The following SHANK2 variants were observed in gnomAD, a reference collection of about 807,000 sequenced individuals.
SHANK2 encodes the protein SH3 and multiple ankyrin repeat domains protein 2.
SHANK2 carries 43 observed loss-of-function variants against 133.7 expected under a neutral mutation model. The observed-to-expected ratio is 0.32, with a 90% confidence interval of 0.25 to 0.41. The LOEUF (loss-of-function observed/expected upper bound fraction) is 0.41, where lower values mean the gene tolerates loss of function less well. Among genes scored for constraint, SHANK2 ranks in the 10% least tolerant of loss-of-function variants. The pLI, the probability that SHANK2 is intolerant of heterozygous loss-of-function variation, is 1.00. For missense variants in SHANK2, 1,994 were observed against 2,235.8 expected, an observed-to-expected ratio of 0.89 and a Z score of 2.18; for synonymous variants, 1,017 against 952.8, an observed-to-expected ratio of 1.07 and a Z score of -1.24.
intron 21 of SHANK2, among the ~76,000 whole-genome samples, chr11:70,499,940 T>TG (rs1475497580): frequency 1.3e-5 from 2 of 152,178 alleles, no homozygotes; most frequent in Non-Finnish European, 2.9e-5. Context: ...TTTTAATTGT[T>TG]GGGGGAGCTG....
chr11:71,099,152 A>G (rs1262343159), intron 6 of SHANK2, among the ~76,000 whole-genome samples: 2 of 152,128 alleles, frequency 1.3e-5, no homozygotes, highest in African/African-American at 4.8e-5. Flanking sequence ...GGTCATCACC[A>G]ACAGGGAGAG....
chr11:70,683,440 C>T (rs537244615), intron 15 of SHANK2, among the ~76,000 whole-genome samples: 68 of 152,314 alleles, frequency 4.5e-4, no homozygotes, highest in Admixed American at 1.2e-3. Context: ...CGCCTTCTAC[C>T]GATGGTGCAT....
intron 14 of SHANK2, among the ~76,000 whole-genome samples, chr11:70,700,416 C>A (rs1945494296): frequency 6.6e-6 from 1 of 152,220 alleles, no homozygotes; most frequent in South Asian, 2.1e-4. Context: ...AATGCCACTC[C>A]TCAAAGCCTT....
At chr11:70,743,575 T>C (rs890798576) in intron 14 of SHANK2, among the ~76,000 whole-genome samples, 5 of 152,164 alleles carry the variant, frequency 3.3e-5, no homozygotes, top group Non-Finnish European at 7.4e-5. Context: ...ACTTTATTCA[T>C]CAACATTTAC....
At chr11:70,951,924 A>G (rs1261604105) in intron 10 of SHANK2, among the ~76,000 whole-genome samples, 1 of 152,232 alleles carries the variant, frequency 6.6e-6, no homozygotes, top group Non-Finnish European at 1.5e-5. Flanking sequence ...TTAAGAGGAC[A>G]TCTTTCAAGA....
chr11:70,686,173 T>C (rs1028553794), intron 15 of SHANK2, among the ~76,000 whole-genome samples: 1 of 147,988 alleles, frequency 6.8e-6, no homozygotes, highest in East Asian at 2.0e-4. Flanking sequence ...CTTCCTTCCA[T>C]CCATCCATCT....
At chr11:70,897,229 G>A (rs1222552025) in intron 10 of SHANK2, among the ~76,000 whole-genome samples, 12 of 152,200 alleles carry the variant, frequency 7.9e-5, no homozygotes, top group African/African-American at 2.2e-4. Flanking sequence ...GACCCATAAG[G>A]AAGGCCAGGA....
chr11:70,586,660 G>A (rs1419771060), intron 17 of SHANK2, among the ~76,000 whole-genome samples: 1 of 152,234 alleles, frequency 6.6e-6, no homozygotes, highest in African/African-American at 2.4e-5. Context: ...CTGGCAATGA[G>A]AAATTTAGCA....
At chr11:70,482,524 G>A (rs782035253) in intron 25 of SHANK2, among the ~76,000 whole-genome samples, 24 of 152,224 alleles carry the variant, frequency 1.6e-4, no homozygotes, top group Non-Finnish European at 2.5e-4. Context: ...CTAGTTCCGC[G>A]TCTTCCTGTG....
Position 70,486,262 on chromosome 11 carries a change from G to A in SHANK2, c.4031C>T (p.Ser1344Leu). ...AACACCTTCTGGCACCTCGGACGGC[G>A]AGCTGTCTGGCTTCATCTCCACCTC... is the stretch of plus-strand genomic sequence containing the variant. ...KAEVEMKPDS[S>L]PSEVPEGVSE... Residue 1344 changes from serine to leucine, a missense_variant, in exon 25 of 26, where the codon TCG becomes TTG. Coordinates refer to ENST00000601538, the MANE Select transcript of SHANK2 (RefSeq NM_012309.5). The surrounding 1 kb of genome is among the most constrained non-coding windows in gnomAD (Gnocchi z 8.0). The A allele has an allele frequency of 1.2e-6, 2 of 1,613,954 alleles. No individual in the cohort carries two copies. The highest frequency in any genetic ancestry group is 1.7e-6 in the Non-Finnish European group (2 of 1,180,022).
At chr11:70,953,523 A>G (rs1363545683) in intron 10 of SHANK2, among the ~76,000 whole-genome samples, 2 of 151,586 alleles carry the variant, frequency 1.3e-5, no homozygotes, top group Admixed American at 1.3e-4. Context: ...CCAGAGTCCA[A>G]AGGCCAAACA....
chr11:70,833,097 C>T (rs921264440), intron 11 of SHANK2, among the ~76,000 whole-genome samples: 5 of 152,244 alleles, frequency 3.3e-5, no homozygotes, highest in African/African-American at 7.2e-5. Flanking sequence ...GCTGTGGTTT[C>T]GAGTTCGAGC....
At chr11:71,152,271 C>G (rs1456004551) in intron 2 of SHANK2, among the ~76,000 whole-genome samples, 5 of 152,132 alleles carry the variant, frequency 3.3e-5, no homozygotes, top group African/African-American at 9.7e-5. Context: ...TGCCACCATG[C>G]CTTGCGAATT....
At chr11:70,523,700 G>C (rs183711331) in intron 17 of SHANK2, among the ~76,000 whole-genome samples, 7 of 152,304 alleles carry the variant, frequency 4.6e-5, no homozygotes, top group African/African-American at 1.7e-4. Flanking sequence ...GTCAGGAGGC[G>C]CTCGCTGCTG....
At chr11:71,065,931 GT>G (rs1420615765) in intron 9 of SHANK2, among the ~76,000 whole-genome samples, 23 of 62,502 alleles carry the variant, frequency 3.7e-4, no homozygotes, top group African/African-American at 4.9e-4. Flanking sequence ...GGGGAAGTTG[GT>G]GGGGGCGGGG....
intron 12 of SHANK2, among the ~76,000 whole-genome samples, chr11:70,809,009 C>G (rs1001273550): frequency 6.6e-6 from 1 of 152,198 alleles, no homozygotes; most frequent in Non-Finnish European, 1.5e-5. Context: ...GACTTCTACA[C>G]CCGACAGTAA....
At chr11:70,877,200 T>A (rs1555071508) in intron 11 of SHANK2, among the ~76,000 whole-genome samples, 3 of 152,196 alleles carry the variant, frequency 2.0e-5, no homozygotes, top group Non-Finnish European at 4.4e-5. Flanking sequence ...CATCAACATG[T>A]AATTTGTGCC....
intron 17 of SHANK2, among the ~76,000 whole-genome samples, chr11:70,605,780 A>G (rs538651129): frequency 5.9e-5 from 9 of 152,302 alleles, no homozygotes; most frequent in Non-Finnish European, 1.2e-4. Context: ...CTGGAACCAG[A>G]GCAAAGAAAA....
chr11:70,700,074 C>T (rs1555023257), intron 14 of SHANK2, among the ~76,000 whole-genome samples: 1 of 152,178 alleles, frequency 6.6e-6, no homozygotes, highest in East Asian at 1.9e-4. Flanking sequence ...TCATTTCTAC[C>T]ACATTAGGCT....
Sources: gnomAD v4.1 joint callset for allele counts (sites outside exome capture counted in the v4.1 genomes callset) on GRCh38, gnomAD v4.1.1 for gene constraint, Gnocchi (gnomAD v3.1) non-coding constraint, MANE v1.5 for transcripts, NCBI Gene and HGNC (gene_info 2026-07-23, HGNC 2026-07-21) for gene names.